Variants in MMP26 observed in about 807,000 individuals in gnomAD.
The protein encoded by MMP26 is matrix metallopeptidase 26.
Under a neutral mutation model 31.0 loss-of-function variants are expected in MMP26, and 33 were observed. The ratio of observed to expected loss-of-function variants is 1.06; its 90% confidence interval spans 0.81 to 1.42. The LOEUF (loss-of-function observed/expected upper bound fraction) is 1.42. MMP26 is among the 40% of genes most tolerant of loss of function. MMP26 has a pLI of 0.00. For missense variants in MMP26, 347 were observed against 316.1 expected (o/e 1.10, Z -0.74); for synonymous variants, 122 against 114.9 (o/e 1.06, Z -0.40).
At chr11:4,990,000 C>G in intron 4 of MMP26, 132 bp downstream of exon 4, 1 of 676,098 alleles carries the variant, frequency 1.5e-6, no homozygotes, top group East Asian at 2.7e-5. Context: ...CCAAAATCTC[C>G]CTCAGAGAAG....
chr11:4,910,058 A>C (rs145245029), intron 2 of MMP26, among the ~76,000 whole-genome samples: 14 of 152,230 alleles, frequency 9.2e-5, no homozygotes, highest in Non-Finnish European at 1.9e-4. Flanking sequence ...TTGTTTTATA[A>C]TTCTGTAAGC....
intron 1 of MMP26, among the ~76,000 whole-genome samples, chr11:4,739,026 T>C (rs1848278967): frequency 6.6e-6 from 1 of 152,234 alleles, no homozygotes; most frequent in Admixed American, 6.5e-5. Context: ...GTTGTCACTA[T>C]AGCTGAGTTG....
intron 2 of MMP26, among the ~76,000 whole-genome samples, chr11:4,892,289 G>C (rs982545069): frequency 6.6e-6 from 1 of 152,148 alleles, no homozygotes; most frequent in Non-Finnish European, 1.5e-5. Flanking sequence ...AAAAAAGTAT[G>C]CAGAGATCCT....
chr11:4,874,183 T>TA (rs774000116), intron 2 of MMP26, among the ~76,000 whole-genome samples: 25 of 152,260 alleles, frequency 1.6e-4, no homozygotes, highest in Admixed American at 1.1e-3. Flanking sequence ...CACACGTGGC[T>TA]ATTGAACATT....
In MMP26 at chr11:4,794,119, G is replaced by A. The variant is rs530072666; in HGVS notation, c.-145+26778G>A. On this transcript the variant is annotated intron_variant, in intron 2 of 7. Transcript: ENST00000380390. ...AAAGGCCATAAGAGACCACAGGTAC[G>A]GACTATATATGTGATGTCTGCACAT... is the stretch of plus-strand genomic sequence containing the variant. The A allele has an allele frequency of 2.6e-5, 4 of 152,240 alleles. No homozygotes were observed. In the South Asian group the frequency reaches 8.3e-4, roughly 32 times the overall value. The allele number at this position is 152,240 out of a possible 1,614,324, so 9.4% of individuals were successfully genotyped here. A position where few individuals can be genotyped will look rare whatever the true frequency, so the allele number is the denominator to read the frequency against.
chr11:4,882,535 C>T (rs138268565), intron 2 of MMP26: 384 of 1,613,886 alleles, frequency 2.4e-4, no homozygotes, highest in Middle Eastern at 1.7e-3. Flanking sequence ...ATGGCACTGA[C>T]GTATTGTTTA....
Position 4,992,033 on chromosome 11 carries a change from A to G in MMP26, c.665A>G (p.Gln222Arg), listed in dbSNP as rs2133654983. The G allele has an allele frequency of 6.2e-7, 1 of 1,613,978 alleles. No individual in the cohort carries two copies. The highest frequency in any genetic ancestry group is 8.5e-7 in the Non-Finnish European group (1 of 1,179,966). Residue 222 changes from glutamine to arginine, a missense_variant, in exon 7 of 8, where the codon CAG (glutamine) becomes CGG (arginine). Coordinates refer to ENST00000380390, the MANE Select transcript of MMP26 (RefSeq NM_021801.5). ...HSLGLQHSGN[Q>R]SSIMYPTYWY... ...TTGGGCCTGCAGCACTCTGGGAATC[A>G]GAGCTCCATAATGTACCCCACTTAC...
chr11:4,808,793 G>C (rs1202573128), intron 2 of MMP26, among the ~76,000 whole-genome samples: 2 of 150,366 alleles, frequency 1.3e-5, no homozygotes, highest in Admixed American at 6.7e-5. Flanking sequence ...TGGAGGAGCA[G>C]GGCTGCCCTG....
chr11:4,956,921 C>G (rs1207419116), intron 2 of MMP26, among the ~76,000 whole-genome samples: 2 of 152,112 alleles, frequency 1.3e-5, no homozygotes, highest in African/African-American at 4.8e-5. Flanking sequence ...AGTTCCATTA[C>G]CAGATGATGA....
intron 2 of MMP26, among the ~76,000 whole-genome samples, chr11:4,829,256 A>G (rs1318445465): frequency 1.3e-5 from 2 of 152,158 alleles, no homozygotes; most frequent in Middle Eastern, 3.2e-3. Context: ...ATGTTATAGT[A>G]TAAGTCTGCT....
chr11:4,850,601 GA>G (rs1218573755), intron 2 of MMP26, among the ~76,000 whole-genome samples: 1 of 151,894 alleles, frequency 6.6e-6, no homozygotes, highest in African/African-American at 2.4e-5. Flanking sequence ...GGGATCTAAA[GA>G]AAAGTAAAAT....
chr11:4,970,922 C>T (rs946843908), intron 2 of MMP26, among the ~76,000 whole-genome samples: 22 of 152,160 alleles, frequency 1.4e-4, no homozygotes, highest in Admixed American at 1.2e-3. Context: ...GATGCAACAG[C>T]ATGCGGCCTG....
At chr11:4,935,711 G>A (rs1402707782) in intron 2 of MMP26, among the ~76,000 whole-genome samples, 24 of 146,992 alleles carry the variant, frequency 1.6e-4, no homozygotes, top group African/African-American at 5.7e-4. Context: ...TTGGCTGTGG[G>A]TTTGTCATAG....
At chr11:4,865,100 A>G (rs1850216537) in intron 2 of MMP26, among the ~76,000 whole-genome samples, 2 of 152,122 alleles carry the variant, frequency 1.3e-5, no homozygotes, top group South Asian at 2.1e-4. Flanking sequence ...CAGCATTTAT[A>G]CAATCAAATA....
intron 1 of MMP26, among the ~76,000 whole-genome samples, chr11:4,715,471 A>G (rs1370774837): frequency 6.6e-6 from 1 of 152,178 alleles, no homozygotes; most frequent in Admixed American, 6.5e-5. Context: ...GGTGGATCAA[A>G]TAGTGGATCT....
chr11:4,789,609 C>A, intron 2 of MMP26, among the ~76,000 whole-genome samples: 1 of 121,634 alleles, frequency 8.2e-6, no homozygotes, highest in African/African-American at 3.1e-5. Flanking sequence ...AGCATGATCT[C>A]GGCTCACTGC....
intron 2 of MMP26, chr11:4,944,081 C>CA (rs1037684302): frequency 4.2e-5 from 19 of 450,628 alleles, no homozygotes; most frequent in African/African-American, 3.0e-4. Flanking sequence ...GGTTGTACTA[C>CA]AACCCCAAAC....
intron 2 of MMP26, chr11:4,923,791 G>A (rs1450829745): frequency 2.5e-6 from 4 of 1,613,910 alleles, no homozygotes; most frequent in South Asian, 2.2e-5. Flanking sequence ...TGATCTCCAG[G>A]TGAAGACAAT....
At chr11:4,946,956 A>T in intron 2 of MMP26, 2 of 1,605,586 alleles carry the variant, frequency 1.2e-6, no homozygotes, top group Admixed American at 3.4e-5. Flanking sequence ...TTGATGATAA[A>T]AAGAATGGTG....
Sources: allele counts gnomAD v4.1 joint callset (sites outside exome capture counted in the v4.1 genomes callset), GRCh38; gene constraint gnomAD v4.1.1; transcripts MANE v1.5; gene names NCBI Gene and HGNC (gene_info 2026-07-23, HGNC 2026-07-21).